The following CCDC152 variants were observed in gnomAD, a reference collection of about 807,000 sequenced individuals.
CCDC152 encodes coiled-coil domain-containing protein 152.
Under a neutral mutation model 38.1 loss-of-function variants are expected in CCDC152, and 37 were observed. The observed-to-expected ratio is 0.97, with a 90% CI of 0.75 to 1.28. CCDC152 has a LOEUF of 1.28. Among genes scored for constraint, CCDC152 ranks in the 50% most tolerant of loss-of-function variants. CCDC152 has a pLI of 0.00. For synonymous variants in CCDC152, 83 were observed against 87.1 expected, an observed-to-expected ratio of 0.95 and a Z score of 0.26; for missense variants, 259 against 292.1, an observed-to-expected ratio of 0.89 and a Z score of 0.83.
intron 6 of CCDC152, among the ~76,000 whole-genome samples, chr5:42,789,414 T>C (rs1454199712): frequency 3.3e-5 from 5 of 152,096 alleles, no homozygotes; most frequent in African/African-American, 4.8e-5. Context: ...GCCAGGGTGG[T>C]CTCGAATTCC....
At chr5:42,791,656 T>A (rs556440778) in intron 6 of CCDC152, among the ~76,000 whole-genome samples, 20 of 152,298 alleles carry the variant, frequency 1.3e-4, no homozygotes, top group African/African-American at 4.6e-4. Flanking sequence ...GCTCAGATAT[T>A]TTCACTTCAC....
chr5:42,762,683 T>G, intron 3 of CCDC152, 135 bp downstream of exon 3: 1 of 620,740 alleles, frequency 1.6e-6, no homozygotes, highest in Non-Finnish European at 2.9e-6. Flanking sequence ...ATCTCATTTA[T>G]ATCCTTACTA....
chr5:42,769,523 A>G, intron 3 of CCDC152, 74 bp from the exon 4 acceptor site: 13 of 1,356,358 alleles, frequency 9.6e-6, no homozygotes, highest in South Asian at 1.4e-5. Context: ...TTTTATTTTA[A>G]TAATTTCAAC....
intron 7 of CCDC152, among the ~76,000 whole-genome samples, chr5:42,798,569 T>A (rs1760112097): frequency 6.6e-6 from 1 of 152,232 alleles, no homozygotes; most frequent in Non-Finnish European, 1.5e-5. Context: ...CTTCTAATCC[T>A]CCTCTGTTTG....
intron 3 of CCDC152, among the ~76,000 whole-genome samples, chr5:42,765,366 T>A (rs1355770999): frequency 1.3e-5 from 2 of 152,108 alleles, no homozygotes; most frequent in Non-Finnish European, 1.5e-5. Context: ...TTCAATGCAA[T>A]GCCTATCAAA....
intron 3 of CCDC152, among the ~76,000 whole-genome samples, chr5:42,764,682 C>T (rs1173061394): frequency 6.6e-6 from 1 of 152,108 alleles, no homozygotes; most frequent in Non-Finnish European, 1.5e-5. Flanking sequence ...ATTATATGAC[C>T]ATTTCAATTG....
chr5:42,758,741 C>T (rs577795359), intron 1 of CCDC152, among the ~76,000 whole-genome samples: 20 of 152,172 alleles, frequency 1.3e-4, no homozygotes, highest in African/African-American at 4.1e-4. Flanking sequence ...ACCAGTTTAC[C>T]AAACAAAATA....
chr5:42,801,431 T>A lies in CCDC152; in HGVS notation c.*1650T>A. The A allele has an allele frequency of 1.1e-6, 1 of 881,716 alleles. No homozygotes were observed. The highest frequency in any genetic ancestry group is 1.7e-6 in the Non-Finnish European group (1 of 577,650). The allele number at this position is 881,716 out of a possible 1,614,324, so 54.6% of individuals were successfully genotyped here. On this transcript the variant is annotated 3_prime_UTR_variant, in exon 9 of 9. Coordinates refer to ENST00000361970, the MANE Select transcript of CCDC152 (RefSeq NM_001134848.2). ...GCTAACATGTGAAATTCCAACTAGT[T>A]AATTAGAATCGAGCTGGCTTTGTAT...
intron 7 of CCDC152, 105 bp downstream of exon 7, chr5:42,797,061 T>C (rs945898252): frequency 1.2e-6 from 1 of 866,284 alleles, no homozygotes. Context: ...TTAGAAGCAA[T>C]TCTGTGAGAG....
rs533912509 is a variant in CCDC152 at position 42,791,513 on chromosome 5, T to A, written c.431-5316T>A. On this transcript the variant is annotated intron_variant, in intron 6 of 8. Coordinates refer to ENST00000361970, the MANE Select transcript of CCDC152 (RefSeq NM_001134848.2). Reference sequence around the variant, plus strand: ...CCAGCACATTTCTGGTGGCCTTGGCTAATAATGTGTCTTCTGGGCCCTCCT... The same window carrying A: ...CCAGCACATTTCTGGTGGCCTTGGCAAATAATGTGTCTTCTGGGCCCTCCT... Among the ~76,000 whole-genome samples the A allele has an allele frequency of 1.3e-5, 2 of 152,368 alleles. 1 individual carries two copies. The highest frequency in any genetic ancestry group is 4.8e-5 in the African/African-American group (2 of 41,596).
intron 6 of CCDC152, among the ~76,000 whole-genome samples, chr5:42,793,973 C>T (rs956404957): frequency 2.0e-5 from 3 of 152,080 alleles, no homozygotes; most frequent in Non-Finnish European, 4.4e-5. Context: ...AATGTAAGTG[C>T]TAAAAACACA....
chr5:42,794,597 A>G (rs1760049971), intron 6 of CCDC152, among the ~76,000 whole-genome samples: 1 of 152,212 alleles, frequency 6.6e-6, no homozygotes, highest in African/African-American at 2.4e-5. Flanking sequence ...CCAGCATCCT[A>G]TACTAAACAT....
chr5:42,770,077 T>C (rs1369520249), intron 4 of CCDC152, among the ~76,000 whole-genome samples: 4 of 152,242 alleles, frequency 2.6e-5, no homozygotes, highest in Admixed American at 2.0e-4. Context: ...AGACTATATT[T>C]GTGCAAGTGA....
At chr5:42,794,493 T>C (rs1760047915) in intron 6 of CCDC152, among the ~76,000 whole-genome samples, 1 of 152,210 alleles carries the variant, frequency 6.6e-6, no homozygotes, top group Non-Finnish European at 1.5e-5. Flanking sequence ...AATTGCACTG[T>C]TCCCTGGGGC....
At chr5:42,778,701 C>T (rs564420573) in intron 4 of CCDC152, among the ~76,000 whole-genome samples, 48 of 152,026 alleles carry the variant, frequency 3.2e-4, no homozygotes, top group Non-Finnish European at 5.0e-4. Flanking sequence ...TCCATACTGC[C>T]GCTGACGTAA....
chr5:42,779,161 G>A (rs1759808606), intron 4 of CCDC152, among the ~76,000 whole-genome samples: 1 of 152,080 alleles, frequency 6.6e-6, no homozygotes, highest in Non-Finnish European at 1.5e-5. Context: ...AGCTGCCCTA[G>A]GTTTTCTTTT....
At chr5:42,769,285 T>G (rs1306117783) in intron 3 of CCDC152, among the ~76,000 whole-genome samples, 1 of 151,986 alleles carries the variant, frequency 6.6e-6, no homozygotes, top group Non-Finnish European at 1.5e-5. Flanking sequence ...TTATATAATT[T>G]TATTTAAGGT....
rs963035144 is a variant in CCDC152, at chr5:42,799,783, C to A, written c.*2C>A. The A allele has an allele frequency of 1.2e-5, 19 of 1,547,212 alleles. No individual in the cohort carries two copies. The Admixed American group carries it at 2.6e-4, about 21-fold the overall frequency. Reference sequence around the variant, plus strand: ...CACCTTAAGCGTAGACGGTTTTGAGCTTAGCAGTAAATTCATTAGTTGGTA... The same window carrying A: ...CACCTTAAGCGTAGACGGTTTTGAGATTAGCAGTAAATTCATTAGTTGGTA... On this transcript the variant is annotated 3_prime_UTR_variant, in exon 9 of 9. Transcript: ENST00000361970.
At chr5:42,774,473 C>T (rs1222207009) in intron 4 of CCDC152, among the ~76,000 whole-genome samples, 1 of 152,144 alleles carries the variant, frequency 6.6e-6, no homozygotes, top group Non-Finnish European at 1.5e-5. Flanking sequence ...TGAGCCTAAA[C>T]TACTGGGGTT....
Sources: gnomAD v4.1 joint callset for allele counts (sites outside exome capture counted in the v4.1 genomes callset) on GRCh38, gnomAD v4.1.1 for gene constraint, MANE v1.5 for transcripts, NCBI Gene and HGNC (gene_info 2026-07-23, HGNC 2026-07-21) for gene names.